The following SLC15A1 variants were observed in gnomAD, a reference collection of about 807,000 sequenced individuals.
The protein encoded by SLC15A1 is Caco-2 oligopeptide transporter.
A neutral mutation model predicts 92.9 loss-of-function variants in SLC15A1; 83 were observed. The ratio of observed to expected loss-of-function variants is 0.89; its 90% confidence interval spans 0.75 to 1.07. SLC15A1 has a LOEUF of 1.07. Among genes scored for constraint, SLC15A1 ranks in the 50% least tolerant of loss-of-function variants. SLC15A1 has a pLI of 0.00. For synonymous variants in SLC15A1, 322 were observed against 318.2 expected (o/e 1.01, Z -0.13); for missense variants, 857 against 880.1 (o/e 0.97, Z 0.33).
chr13:98,722,890 A>G (rs2088271189), intron 5 of SLC15A1, among the ~76,000 whole-genome samples: 1 of 152,196 alleles, frequency 6.6e-6, no homozygotes, highest in African/African-American at 2.4e-5. Context: ...GAAAAATGAA[A>G]AGCTAATATT....
chr13:98,752,391 C>A (rs1437149038), intron 1 of SLC15A1, among the ~76,000 whole-genome samples: 3 of 152,164 alleles, frequency 2.0e-5, no homozygotes, highest in Non-Finnish European at 4.4e-5. Context: ...CTCTGGGCAC[C>A]TCTGGCTTCC....
intron 1 of SLC15A1, among the ~76,000 whole-genome samples, chr13:98,728,981 AAAAAAAAAAAAAAAAAAAAAAAAAAC>A (rs2088324602): frequency 7.6e-6 from 1 of 131,044 alleles, no homozygotes; most frequent in African/African-American, 2.9e-5. Context: ...GCTCTGTAAA[AAAAAAAAAAAAAAAAAAAAAAAAAAC>A]AACAAGCCCC....
At chr13:98,730,420 C>CT (rs2088340966) in intron 1 of SLC15A1, among the ~76,000 whole-genome samples, 2 of 152,310 alleles carry the variant, frequency 1.3e-5, no homozygotes, top group South Asian at 4.1e-4. Flanking sequence ...GAGATTCCTC[C>CT]GCACGAATAA....
At chr13:98,702,380 A>G in intron 18 of SLC15A1, 100 bp downstream of exon 18, 1 of 866,946 alleles carries the variant, frequency 1.2e-6, no homozygotes, top group Non-Finnish European at 2.0e-6. Flanking sequence ...CAAACCCTAT[A>G]ATCTCATTTT....
At chr13:98,726,549 A>C in intron 2 of SLC15A1, 100 bp from the exon 3 acceptor site, 1 of 1,060,384 alleles carries the variant, frequency 9.4e-7, no homozygotes, top group Non-Finnish European at 1.4e-6. Flanking sequence ...ACGCAGATTC[A>C]GTAACTTACC....
intron 1 of SLC15A1, among the ~76,000 whole-genome samples, chr13:98,751,766 C>T (rs1486767202): frequency 6.6e-6 from 1 of 152,216 alleles, no homozygotes; most frequent in Non-Finnish European, 1.5e-5. Context: ...AGGCAGCCAC[C>T]GACCGACATT....
At chr13:98,705,640 C>T (rs1399891252) in intron 16 of SLC15A1, among the ~76,000 whole-genome samples, 3 of 152,112 alleles carry the variant, frequency 2.0e-5, no homozygotes, top group Non-Finnish European at 4.4e-5. Context: ...ACCTGTAATC[C>T]CAACACTTTG....
chr13:98,726,887 A>G, intron 1 of SLC15A1, 28 bp from the exon 2 acceptor site: 1 of 1,612,540 alleles, frequency 6.2e-7, no homozygotes, highest in Non-Finnish European at 8.5e-7. Flanking sequence ...TCCCAATATT[A>G]AAGTCAAGCC....
intron 14 of SLC15A1, among the ~76,000 whole-genome samples, chr13:98,709,012 G>A (rs1000622115): frequency 1.6e-3 from 232 of 141,946 alleles, no homozygotes; most frequent in African/African-American, 6.1e-3. Context: ...CTGTCACCCC[G>A]GCTGGAGTGC....
chr13:98,721,966 TC>T, intron 5 of SLC15A1, 63 bp from the exon 6 acceptor site: 2 of 1,379,244 alleles, frequency 1.5e-6, no homozygotes, highest in Non-Finnish European at 2.0e-6. Flanking sequence ...GCCTCTCTTT[TC>T]CCCAGTTTCC....
chr13:98,718,611 G>C (rs1479980655), intron 8 of SLC15A1, among the ~76,000 whole-genome samples: 1 of 152,110 alleles, frequency 6.6e-6, no homozygotes. Flanking sequence ...GAGGTCAGGT[G>C]CTCGAGACCA....
chr13:98,749,091 C>T (rs1253873309), intron 1 of SLC15A1, among the ~76,000 whole-genome samples: 5 of 152,198 alleles, frequency 3.3e-5, no homozygotes, highest in African/African-American at 1.2e-4. Flanking sequence ...CCAAAGGCTT[C>T]CTTCAGTGTG....
At chr13:98,727,081 G>A (rs1381224318) in intron 1 of SLC15A1, among the ~76,000 whole-genome samples, 2 of 152,182 alleles carry the variant, frequency 1.3e-5, no homozygotes, top group African/African-American at 4.8e-5. Context: ...ATTCTCGTAT[G>A]CAGTCAAAAT....
chr13:98,699,607 G>A (rs1593984185), intron 18 of SLC15A1, among the ~76,000 whole-genome samples: 1 of 152,324 alleles, frequency 6.6e-6, no homozygotes, highest in East Asian at 1.9e-4. Context: ...GTGAACACAA[G>A]TTTCCAGTTC....
intron 1 of SLC15A1, among the ~76,000 whole-genome samples, chr13:98,751,719 C>T (rs2088547833): frequency 6.6e-6 from 1 of 152,230 alleles, no homozygotes; most frequent in Non-Finnish European, 1.5e-5. Context: ...CACCCTGGGG[C>T]TGGGCACTGA....
chr13:98,752,561 T>A, intron 1 of SLC15A1, 34 bp downstream of exon 1: 1 of 1,269,682 alleles, frequency 7.9e-7, no homozygotes, highest in Non-Finnish European at 9.9e-7. Context: ...CTCCGAGTCT[T>A]TAGCCCGGCC....
In SLC15A1 at chr13:98,688,351, C is replaced by G. The variant is rs758790182; in HGVS notation, c.1580G>C (p.Gly527Ala). ...AATCTCTGTTGAGCTTATTGTGAAG[C>G]CTTTTCTATCAAAATAAAGAATAAT... ...TYQFFPSGIK[G>A]FTISSTEIPP... Residue 527 changes from glycine to alanine, a missense_variant, in exon 20 of 23, where the codon GGC (glycine) becomes GCC (alanine). Gly to Ala is a moderately conservative substitution (Grantham distance 60, BLOSUM62 0). Coordinates refer to ENST00000376503, the MANE Select transcript of SLC15A1 (RefSeq NM_005073.4). 2 of 1,612,496 alleles carry G rather than the reference C, an allele frequency of 1.2e-6. No homozygotes were observed. The highest frequency in any genetic ancestry group is 2.7e-5 in the African/African-American group (2 of 74,828).
At chr13:98,750,166 G>T (rs1594015167) in intron 1 of SLC15A1, among the ~76,000 whole-genome samples, 1 of 151,910 alleles carries the variant, frequency 6.6e-6, no homozygotes, top group Non-Finnish European at 1.5e-5. Flanking sequence ...AGGCTGGAGT[G>T]CAATGGCACG....
Position 98,688,517 on chromosome 13 carries a change from G to A in SLC15A1, c.1527C>T (p.Asn509=), listed in dbSNP as rs8187832. 73,919 of 1,613,694 alleles carry A rather than the reference G, an allele frequency of 0.046. 2,932 individuals carry two copies. The highest frequency in any genetic ancestry group is 0.2 in the African/African-American group (15,086 of 74,972). The change falls in exon 19 of 23, where the codon AAC becomes AAT. Residue 509 remains asparagine, a synonymous_variant. Transcript: ENST00000376503. ...TITMSGKVYA[N]ISSYNASTYQ... is the part of the protein sequence containing the mutation. ...ATGTGCTGGCATTGTAGCTGCTGAT[G>A]TTTGCATAAACTTTCCCACTCATTG... is the stretch of plus-strand genomic sequence containing the variant.
Sources: gnomAD v4.1 joint callset for allele counts (sites outside exome capture counted in the v4.1 genomes callset) on GRCh38, gnomAD v4.1.1 for gene constraint, MANE v1.5 for transcripts, NCBI Gene and HGNC (gene_info 2026-07-23, HGNC 2026-07-21) for gene names.